Variants in VMP1 observed in about 807,000 individuals in gnomAD.
VMP1 encodes the protein vacuole membrane protein 1, also known as ectopic P-granules autophagy protein 3 homolog.
In VMP1, 11 loss-of-function variants were observed where a neutral mutation model predicts 56.0. The ratio of observed to expected loss-of-function variants is 0.20; its 90% CI spans 0.12 to 0.32. VMP1 has a LOEUF of 0.32. Ranked by LOEUF, VMP1 falls within the 10% of genes least tolerant of loss-of-function variation. The pLI is 1.00. For synonymous variants in VMP1, 149 were observed against 165.0 expected (o/e 0.90, Z 0.74); for missense variants, 296 against 490.3 (o/e 0.60, Z 3.74).
At chr17:59,774,943 T>A (rs1034473933) in intron 7 of VMP1, among the ~76,000 whole-genome samples, 430 of 26,460 alleles carry the variant, frequency 0.016, no homozygotes, top group African/African-American at 0.034. Flanking sequence ...CAAAAAAAAT[T>A]TTTTTTTTTT....
chr17:59,806,909 A>G (rs1478500129), intron 7 of VMP1, among the ~76,000 whole-genome samples: 1 of 152,092 alleles, frequency 6.6e-6, no homozygotes, highest in South Asian at 2.1e-4. Context: ...TTGACTGATC[A>G]TATTTTTTTT....
At chr17:59,765,856 T>C (rs1158488824) in intron 6 of VMP1, among the ~76,000 whole-genome samples, 1 of 151,932 alleles carries the variant, frequency 6.6e-6, no homozygotes, top group Non-Finnish European at 1.5e-5. Context: ...TATACTACAT[T>C]ATAAAATTTG....
At chr17:59,812,276 C>T (rs530624292) in intron 9 of VMP1, among the ~76,000 whole-genome samples, 5 of 151,916 alleles carry the variant, frequency 3.3e-5, no homozygotes, top group Non-Finnish European at 4.4e-5. Context: ...TATCCTTTAC[C>T]GAAAAACAGC....
chr17:59,782,416 CTATTA>C (rs1036933851), intron 7 of VMP1, among the ~76,000 whole-genome samples: 1 of 151,546 alleles, frequency 6.6e-6, no homozygotes, highest in African/African-American at 2.4e-5. Flanking sequence ...ATCTTTTTTC[CTATTA>C]TATTTTTATA....
chr17:59,792,726 G>A (rs1408267385), intron 7 of VMP1, among the ~76,000 whole-genome samples: 3 of 151,504 alleles, frequency 2.0e-5, no homozygotes, highest in Admixed American at 6.6e-5. Flanking sequence ...GCACATGCCT[G>A]TAATCCCAGC....
chr17:59,839,769 G>A lies in VMP1; in HGVS notation c.1079G>A (p.Gly360Glu), dbSNP rs1598475997. 1 of 1,608,238 alleles carries A rather than the reference G, an allele frequency of 6.2e-7. No homozygotes were observed. Among genetic ancestry groups the A allele is most frequent in the Non-Finnish European group, 8.5e-7 (1 of 1,178,776 alleles). Reference protein sequence around the residue: ...HHKSEMGTPQGENWLSWMFEK... With the variant: ...HHKSEMGTPQEENWLSWMFEK... Reference sequence around the variant, plus strand: ...ATTGTTCTGCATTTATTTCTACAGGGAGAAAACTGGTTGTCCTGGATGTTT... The same window carrying A: ...ATTGTTCTGCATTTATTTCTACAGGAAGAAAACTGGTTGTCCTGGATGTTT... Residue 360 changes from glycine to glutamate, a missense_variant and splice_region_variant, in exon 12 of 12, where the codon GGA (glycine) becomes GAA (glutamate). Gly to Glu is a moderately conservative substitution (Grantham distance 98). This residue lies in a region of VMP1 where 95 missense variants were observed against 137.6 expected (regional missense o/e 0.69). Transcript: ENST00000262291.
intron 6 of VMP1, among the ~76,000 whole-genome samples, chr17:59,765,360 G>A (rs1418749164): frequency 6.6e-6 from 1 of 152,158 alleles, no homozygotes; most frequent in African/African-American, 2.4e-5. Flanking sequence ...AGCAACTGAG[G>A]CCAAGTAGAC....
At chr17:59,771,606 GTT>G (rs1306304917) in intron 6 of VMP1, among the ~76,000 whole-genome samples, 4 of 123,418 alleles carry the variant, frequency 3.2e-5, no homozygotes, top group African/African-American at 3.0e-5. Flanking sequence ...GGTTTTTTTG[GTT>G]TTTTTTTTTT....
intron 6 of VMP1, among the ~76,000 whole-genome samples, chr17:59,771,048 A>C (rs1193360049): frequency 6.6e-6 from 1 of 151,098 alleles, no homozygotes; most frequent in Non-Finnish European, 1.5e-5. Flanking sequence ...CTATCACGAG[A>C]TACAATGTCT....
intron 5 of VMP1, among the ~76,000 whole-genome samples, chr17:59,757,468 T>A (rs1229785938): frequency 1.3e-5 from 2 of 152,194 alleles, no homozygotes; most frequent in Non-Finnish European, 2.9e-5. Flanking sequence ...CTAAAACTCA[T>A]GAAAGAATGT....
At chr17:59,742,247 C>T (rs1598322605) in intron 5 of VMP1, among the ~76,000 whole-genome samples, 1 of 152,220 alleles carries the variant, frequency 6.6e-6, no homozygotes, top group East Asian at 1.9e-4. Flanking sequence ...GTGGCTCATT[C>T]CTGTGCTCCC....
At chr17:59,741,367 G>C (rs1368857407) in intron 5 of VMP1, among the ~76,000 whole-genome samples, 3 of 152,066 alleles carry the variant, frequency 2.0e-5, no homozygotes, top group Non-Finnish European at 4.4e-5. Context: ...GGAGGTGATA[G>C]GAAGAATGGA....
chr17:59,786,578 A>T (rs2037013847), intron 7 of VMP1, among the ~76,000 whole-genome samples: 1 of 152,182 alleles, frequency 6.6e-6, no homozygotes, highest in Admixed American at 6.5e-5. Context: ...TTTGACTCTG[A>T]TGAACCTTTA....
chr17:59,717,096 C>T (rs1402511367), intron 1 of VMP1, among the ~76,000 whole-genome samples: 1 of 152,080 alleles, frequency 6.6e-6, no homozygotes, highest in Non-Finnish European at 1.5e-5. Flanking sequence ...TCTCCTTCTT[C>T]AACCTCCCGA....
intron 7 of VMP1, among the ~76,000 whole-genome samples, chr17:59,804,211 G>A (rs1031457482): frequency 3.9e-5 from 6 of 151,952 alleles, no homozygotes; most frequent in African/African-American, 9.7e-5. Context: ...AAAATTGCAC[G>A]TAACATATAG....
chr17:59,744,092 G>GTTT (rs58467769), intron 5 of VMP1, among the ~76,000 whole-genome samples: 1 of 144,190 alleles, frequency 6.9e-6, no homozygotes, highest in Non-Finnish European at 1.5e-5. Flanking sequence ...TGAGGTTTTT[G>GTTT]TTTTTTTTTT....
At chr17:59,769,177 C>T (rs1481155366) in intron 6 of VMP1, among the ~76,000 whole-genome samples, 18 of 137,258 alleles carry the variant, frequency 1.3e-4, no homozygotes, top group Non-Finnish European at 2.2e-4. Context: ...TTTTTAAAGA[C>T]AGAGTTTCGC....
intron 5 of VMP1, among the ~76,000 whole-genome samples, chr17:59,757,035 A>G (rs1026604137): frequency 1.3e-5 from 2 of 152,224 alleles, no homozygotes; most frequent in African/African-American, 4.8e-5. Context: ...TGTTTTACTT[A>G]ATATTAAGCA....
intron 1 of VMP1, among the ~76,000 whole-genome samples, chr17:59,725,777 T>C (rs1052436192): frequency 3.3e-5 from 5 of 152,250 alleles, no homozygotes; most frequent in Non-Finnish European, 7.3e-5. Context: ...TTTCAGACTA[T>C]TATGTTTTCC....
Sources: allele counts gnomAD v4.1 joint callset (sites outside exome capture counted in the v4.1 genomes callset), GRCh38; gene constraint gnomAD v4.1.1; regional missense constraint gnomAD v4.1.1; transcripts MANE v1.5; gene names NCBI Gene and HGNC (gene_info 2026-07-23, HGNC 2026-07-21).